Variants in ADGRL2 observed in about 807,000 individuals in gnomAD.
ADGRL2 encodes adhesion G protein-coupled receptor L2.
A neutral mutation model predicts 157.4 loss-of-function variants in ADGRL2; 44 were observed. The ratio of observed to expected loss-of-function variants is 0.28; its 90% confidence interval spans 0.22 to 0.36. The LOEUF (loss-of-function observed/expected upper bound fraction) is 0.36, where lower values mean the gene tolerates loss of function less well. Among genes scored for constraint, ADGRL2 ranks in the 10% least tolerant of loss-of-function variants. The pLI, the probability that ADGRL2 is intolerant of heterozygous loss-of-function variation, is 1.00. For missense variants in ADGRL2, 1,510 were observed against 1,768.9 expected, an observed-to-expected ratio of 0.85 and a Z score of 2.63; for synonymous variants, 585 against 624.7, an observed-to-expected ratio of 0.94 and a Z score of 0.95.
At chr1:81,894,144 T>C (rs2094331018) in intron 2 of ADGRL2, among the ~76,000 whole-genome samples, 1 of 152,172 alleles carries the variant, frequency 6.6e-6, no homozygotes, top group Admixed American at 6.6e-5. Flanking sequence ...GTCTCCAACT[T>C]GTATTGTTAG....
At chr1:81,400,808 G>A (rs2076739699) in intron 1 of ADGRL2, among the ~76,000 whole-genome samples, 1 of 152,038 alleles carries the variant, frequency 6.6e-6, no homozygotes, top group Admixed American at 6.6e-5. Context: ...TCAGACTCTG[G>A]GAAGCGGGTC....
chr1:81,808,554 T>A (rs545793253), intron 1 of ADGRL2, among the ~76,000 whole-genome samples: 1 of 152,228 alleles, frequency 6.6e-6, no homozygotes, highest in African/African-American at 2.4e-5. Context: ...TAGAGGTTTG[T>A]TTTTAAGTAG....
chr1:81,651,091 C>G (rs559098597), intron 3 of ADGRL2, among the ~76,000 whole-genome samples: 1 of 152,210 alleles, frequency 6.6e-6, no homozygotes, highest in Non-Finnish European at 1.5e-5. Context: ...TAAGGGAGAT[C>G]AGAATAGAGT....
At chr1:81,493,566 G>A (rs1401962467) in intron 2 of ADGRL2, among the ~76,000 whole-genome samples, 1 of 152,132 alleles carries the variant, frequency 6.6e-6, no homozygotes, top group African/African-American at 2.4e-5. Context: ...TGGGATATTT[G>A]GAAGGAAGGG....
At chr1:81,847,128 A>G (rs756821994) in intron 2 of ADGRL2, among the ~76,000 whole-genome samples, 2 of 151,868 alleles carry the variant, frequency 1.3e-5, no homozygotes, top group Non-Finnish European at 2.9e-5. Flanking sequence ...AAGAATGTGT[A>G]TTAGGATCCA....
chr1:81,527,360 GGGA>G (rs2079485046), intron 2 of ADGRL2, among the ~76,000 whole-genome samples: 1 of 152,146 alleles, frequency 6.6e-6, no homozygotes, highest in African/African-American at 2.4e-5. Context: ...GGGAGTCTCA[GGGA>G]GGAGTTTAGG....
At chr1:81,711,008 T>C (rs1218903260) in intron 1 of ADGRL2, among the ~76,000 whole-genome samples, 4 of 152,156 alleles carry the variant, frequency 2.6e-5, no homozygotes, top group Admixed American at 6.5e-5. Flanking sequence ...GCATTGGTCA[T>C]TTGGAAAGTA....
At chr1:81,501,469 T>C (rs2078844762) in intron 2 of ADGRL2, among the ~76,000 whole-genome samples, 1 of 152,252 alleles carries the variant, frequency 6.6e-6, no homozygotes, top group South Asian at 2.1e-4. Context: ...TAGTGAGAGC[T>C]CACATTCTGT....
chr1:81,567,562 G>A (rs772434997), intron 2 of ADGRL2, among the ~76,000 whole-genome samples: 2 of 152,022 alleles, frequency 1.3e-5, no homozygotes, highest in Non-Finnish European at 2.9e-5. Flanking sequence ...CGTGTCCCAA[G>A]ATGTTCTTAT....
At chr1:81,319,930 T>G (rs1044125644) in intron 1 of ADGRL2, among the ~76,000 whole-genome samples, 1 of 152,228 alleles carries the variant, frequency 6.6e-6, no homozygotes, top group African/African-American at 2.4e-5. Flanking sequence ...GTTGCATTGA[T>G]TGACTTTTCC....
rs187195110 is a variant in ADGRL2, at chr1:81,671,855, C to G, written c.-142-89956C>G. Among the ~76,000 whole-genome samples the G allele has an allele frequency of 1.1e-4, 16 of 152,306 alleles. No homozygotes were observed. In the East Asian group the frequency reaches 3.1e-3, roughly 29 times the overall value. On this transcript the variant is annotated intron_variant, in intron 3 of 24. Coordinates refer to the ADGRL2 transcript ENST00000370721. ...TAATGAGCTCTCAGGTGATGCTGGT[C>G]TGTAGACCACACTTTGAATAGCAAA...
At chr1:81,567,951 T>C (rs1412998636) in intron 2 of ADGRL2, among the ~76,000 whole-genome samples, 1 of 152,112 alleles carries the variant, frequency 6.6e-6, no homozygotes, top group East Asian at 1.9e-4. Context: ...TATTTCTTTG[T>C]ATCTGAAAAC....
chr1:81,370,942 C>G (rs140884974), intron 1 of ADGRL2, among the ~76,000 whole-genome samples: 271 of 152,190 alleles, frequency 1.8e-3, no homozygotes, highest in African/African-American at 6.3e-3. Context: ...TTTTCAATAT[C>G]GTGTGTGACT....
chr1:81,431,895 C>T (rs1445781978), intron 1 of ADGRL2, among the ~76,000 whole-genome samples: 1 of 152,162 alleles, frequency 6.6e-6, no homozygotes, highest in Non-Finnish European at 1.5e-5. Flanking sequence ...TCTAATTCAT[C>T]ACCACACAAT....
At chr1:81,516,307 G>A (rs76495728) in intron 2 of ADGRL2, among the ~76,000 whole-genome samples, 2,798 of 152,288 alleles carry the variant, frequency 0.018, 74 homozygotes, top group African/African-American at 0.064. Context: ...CAGGGCAATT[G>A]CGAGAGGTCC....
chr1:81,812,940 T>G (rs2090018347), intron 1 of ADGRL2, among the ~76,000 whole-genome samples: 1 of 151,810 alleles, frequency 6.6e-6, no homozygotes, highest in Admixed American at 6.6e-5. Context: ...GAATTCTGTT[T>G]ATGACTCTGT....
At chr1:81,865,581 T>C (rs2093518581) in intron 2 of ADGRL2, among the ~76,000 whole-genome samples, 1 of 152,208 alleles carries the variant, frequency 6.6e-6, no homozygotes, top group African/African-American at 2.4e-5. Flanking sequence ...GTTTCATTAC[T>C]AGTTTTGAGC....
chr1:81,784,090 C>A lies in ADGRL2; in HGVS notation c.-101+22238C>A, dbSNP rs530272900. Among the ~76,000 whole-genome samples the A allele has an allele frequency of 2.0e-5, 3 of 152,144 alleles. No homozygotes were observed. The South Asian group carries it at 6.2e-4, about 31-fold the overall frequency. On this transcript the variant is annotated intron_variant, in intron 2 of 20. Transcript: ENST00000359929. The stretch of plus-strand genomic sequence containing the variant: ...GAACTTGGGTGGTCTCAATGAAATT[C>A]TAAGCTTTTAAGTTATGTTGCTTTT...
chr1:81,978,150 A>G (rs566928920), intron 17 of ADGRL2, among the ~76,000 whole-genome samples: 1 of 151,748 alleles, frequency 6.6e-6, no homozygotes, highest in African/African-American at 2.4e-5. Flanking sequence ...ATTCTTTAAA[A>G]GCCTAATCAG....
Sources: allele counts gnomAD v4.1 joint callset (sites outside exome capture counted in the v4.1 genomes callset), GRCh38; gene constraint gnomAD v4.1.1; transcripts MANE v1.5; gene names NCBI Gene and HGNC (gene_info 2026-07-23, HGNC 2026-07-21).